Variants in MIR2052HG observed in about 807,000 individuals in gnomAD.
MIR2052HG encodes the protein MIR2052 host gene.
chr8:74,660,906 C>A (rs1808857308), intron 2 of MIR2052HG, among the ~76,000 whole-genome samples: 1 of 151,882 alleles, frequency 6.6e-6, no homozygotes, highest in South Asian at 2.1e-4. Context: ...TGGAGGAGAT[C>A]CGATGAAAAC....
intron 2 of MIR2052HG, among the ~76,000 whole-genome samples, chr8:74,622,368 C>CTGGGATTTTGTAATCCCAGCATTT (rs1210833302): frequency 6.6e-6 from 1 of 152,170 alleles, no homozygotes; most frequent in East Asian, 1.9e-4. Context: ...TTTTGAGAGG[C>CTGGGATTTTGTAATCCCAGCATTT]TGAGGCAGGT....
At chr8:74,608,730 G>A (rs1173549817) in intron 1 of MIR2052HG, among the ~76,000 whole-genome samples, 1 of 152,034 alleles carries the variant, frequency 6.6e-6, no homozygotes, top group African/African-American at 2.4e-5. Flanking sequence ...AGAAAGGAAT[G>A]TAGAAAATAT....
intron 2 of MIR2052HG, among the ~76,000 whole-genome samples, chr8:74,639,744 A>AT (rs1808619125): frequency 6.6e-6 from 1 of 152,040 alleles, no homozygotes. Context: ...ACATTTTAGT[A>AT]TTTTTGACAA....
intron 2 of MIR2052HG, among the ~76,000 whole-genome samples, chr8:74,689,923 A>G (rs1273125347): frequency 6.6e-6 from 1 of 152,196 alleles, no homozygotes; most frequent in Non-Finnish European, 1.5e-5. Flanking sequence ...ACAGACATTT[A>G]CCAAGAATTA....
intron 4 of MIR2052HG, among the ~76,000 whole-genome samples, chr8:74,737,059 C>T (rs1369411980): frequency 6.6e-6 from 1 of 152,210 alleles, no homozygotes; most frequent in African/African-American, 2.4e-5. Flanking sequence ...ACCTTTTCTG[C>T]GCGCAGTTGA....
intron 4 of MIR2052HG, among the ~76,000 whole-genome samples, chr8:74,726,875 C>T (rs1462736567): frequency 6.6e-6 from 1 of 152,144 alleles, no homozygotes; most frequent in Admixed American, 6.6e-5. Flanking sequence ...ATGGGCTGCC[C>T]AATATATTTT....
intron 4 of MIR2052HG, among the ~76,000 whole-genome samples, chr8:74,710,392 T>C (rs1809455400): frequency 6.6e-6 from 1 of 152,136 alleles, no homozygotes; most frequent in South Asian, 2.1e-4. Context: ...TAATTTCCCT[T>C]GTATAAAATG....
intron 2 of MIR2052HG, among the ~76,000 whole-genome samples, chr8:74,614,145 G>T (rs756274555): frequency 1.3e-5 from 2 of 152,022 alleles, no homozygotes; most frequent in African/African-American, 4.8e-5. Context: ...TTCTCCTTTG[G>T]CTTGGAAACA....
chr8:74,739,468 C>A (rs1247893706), intron 4 of MIR2052HG, among the ~76,000 whole-genome samples: 1 of 152,104 alleles, frequency 6.6e-6, no homozygotes, highest in African/African-American at 2.4e-5. Flanking sequence ...TTGGAGATTT[C>A]TTGAACTTAT....
intron 4 of MIR2052HG, among the ~76,000 whole-genome samples, chr8:74,742,840 T>G (rs1292019907): frequency 6.6e-6 from 1 of 152,148 alleles, no homozygotes; most frequent in Non-Finnish European, 1.5e-5. Flanking sequence ...CTCATGACAT[T>G]TAACCAAGGG....
intron 2 of MIR2052HG, among the ~76,000 whole-genome samples, chr8:74,645,485 A>G (rs183474199): frequency 1.3e-5 from 2 of 152,058 alleles, no homozygotes; most frequent in African/African-American, 4.8e-5. Flanking sequence ...GGGTTTCTCT[A>G]TGTTGGTCAG....
chr8:74,648,490 C>T (rs1052615408), intron 2 of MIR2052HG, among the ~76,000 whole-genome samples: 27 of 152,152 alleles, frequency 1.8e-4, no homozygotes, highest in Admixed American at 1.8e-3. Flanking sequence ...TTTATTGCCC[C>T]TTGAAGCATG....
intron 2 of MIR2052HG, among the ~76,000 whole-genome samples, chr8:74,662,092 A>C (rs917521572): frequency 6.6e-6 from 1 of 152,192 alleles, no homozygotes; most frequent in Non-Finnish European, 1.5e-5. Context: ...AAAACAGGCC[A>C]CTTTCTCACA....
intron 1 of MIR2052HG, among the ~76,000 whole-genome samples, chr8:74,606,646 A>G (rs1231357034): frequency 6.6e-6 from 1 of 152,122 alleles, no homozygotes; most frequent in Non-Finnish European, 1.5e-5. Context: ...ACACATAGAC[A>G]CGTACAGGGG....
intron 4 of MIR2052HG, among the ~76,000 whole-genome samples, chr8:74,738,714 C>G (rs576226940): frequency 4.6e-5 from 7 of 152,304 alleles, no homozygotes; most frequent in African/African-American, 1.7e-4. Context: ...GAATATTTCT[C>G]AAACCTACCA....
At chr8:74,687,171 G>T (rs1809189392) in intron 2 of MIR2052HG, among the ~76,000 whole-genome samples, 1 of 152,096 alleles carries the variant, frequency 6.6e-6, no homozygotes, top group Non-Finnish European at 1.5e-5. Context: ...CTGTTAGAAT[G>T]GCTAATATCA....
intron 4 of MIR2052HG, among the ~76,000 whole-genome samples, chr8:74,751,966 G>T (rs943478308): frequency 6.6e-6 from 1 of 151,936 alleles, no homozygotes; most frequent in Non-Finnish European, 1.5e-5. Flanking sequence ...CAAATACATT[G>T]TCAGCAGACT....
intron 2 of MIR2052HG, among the ~76,000 whole-genome samples, chr8:74,654,850 GA>G (rs908477835): frequency 2.0e-5 from 3 of 152,184 alleles, no homozygotes; most frequent in African/African-American, 7.2e-5. Flanking sequence ...GGGCTCAGAA[GA>G]AGACAGGAAA....
chr8:74,604,082 G>C, intron 1 of MIR2052HG: 3 of 923,882 alleles, frequency 3.2e-6, no homozygotes, highest in Non-Finnish European at 5.5e-6. Flanking sequence ...ATTCTCTCAG[G>C]ACAATTCCCT....
Sources: gnomAD v4.1 joint callset for allele counts (sites outside exome capture counted in the v4.1 genomes callset) on GRCh38, gnomAD v4.1.1 for gene constraint, MANE v1.5 for transcripts, NCBI Gene and HGNC (gene_info 2026-07-23, HGNC 2026-07-21) for gene names.